GUCY1A2: variants seen among roughly 807,000 people sequenced by gnomAD.
GUCY1A2 encodes guanylate cyclase 1 soluble subunit alpha 2.
Under a neutral mutation model 63.5 loss-of-function variants are expected in GUCY1A2, and 27 were observed. That is an observed-to-expected ratio of 0.43 (90% CI 0.31 to 0.59). The LOEUF is 0.59. GUCY1A2 is among the 20% of genes least tolerant of loss of function. The pLI is 0.11. For missense variants in GUCY1A2, 768 were observed against 913.3 expected, an observed-to-expected ratio of 0.84 and a Z score of 2.05; for synonymous variants, 364 against 343.5, an observed-to-expected ratio of 1.06 and a Z score of -0.66.
intron 5 of GUCY1A2, among the ~76,000 whole-genome samples, chr11:106,779,112 A>C (rs1181554766): frequency 6.6e-6 from 1 of 152,216 alleles, no homozygotes; most frequent in African/African-American, 2.4e-5. Flanking sequence ...CCAACAGTGC[A>C]AAACTTATCA....
At chr11:106,810,562 GA>G (rs1054066854) in intron 4 of GUCY1A2, 84 bp from the exon 5 acceptor site, 8 of 1,176,816 alleles carry the variant, frequency 6.8e-6, no homozygotes, top group Middle Eastern at 2.1e-4. Context: ...TGAATAGAAA[GA>G]AAAAATGTTT....
intron 1 of GUCY1A2, among the ~76,000 whole-genome samples, chr11:106,998,948 T>G (rs1299590937): frequency 6.6e-6 from 1 of 152,110 alleles, no homozygotes; most frequent in Non-Finnish European, 1.5e-5. Context: ...GCAAAGGAGA[T>G]CTCCAGATGG....
chr11:106,992,029 G>C (rs1861475992), intron 1 of GUCY1A2, among the ~76,000 whole-genome samples: 2 of 152,172 alleles, frequency 1.3e-5, no homozygotes, highest in African/African-American at 4.8e-5. Flanking sequence ...GTGTCACACA[G>C]ATAAAAAGGG....
At chr11:106,840,713 T>C (rs1179580297) in intron 4 of GUCY1A2, among the ~76,000 whole-genome samples, 1 of 151,996 alleles carries the variant, frequency 6.6e-6, no homozygotes, top group Admixed American at 6.6e-5. Flanking sequence ...AAAATGGTTC[T>C]ATCTTTATAA....
At chr11:106,958,492 C>G in intron 3 of GUCY1A2, among the ~76,000 whole-genome samples, 1 of 152,112 alleles carries the variant, frequency 6.6e-6, no homozygotes. Flanking sequence ...CCTCTTCTCA[C>G]AGAAGTCCTT....
chr11:106,869,902 T>C (rs569112859), intron 4 of GUCY1A2, among the ~76,000 whole-genome samples: 2 of 152,194 alleles, frequency 1.3e-5, no homozygotes, highest in African/African-American at 2.4e-5. Flanking sequence ...GTGGTACATA[T>C]ACACCATGGA....
At position 106,685,490 on chromosome 11, in the gene GUCY1A2, G is replaced by A. The variant is rs1460157238; in HGVS notation, c.*2059C>T. The A allele has an allele frequency of 1.3e-5, 3 of 223,994 alleles. No homozygotes were observed. Among genetic ancestry groups the A allele is most frequent in the East Asian group, 6.5e-5 (1 of 15,404 alleles). 13.9% of individuals were successfully genotyped at this position (223,994 alleles called of 1,614,324 possible). ...CCTGGAAGTCCCTTTCAGCCTTATG[G>A]TTACAAAACACATTGTTCATCACCA... On this transcript the variant is annotated 3_prime_UTR_variant, in exon 8 of 8. Coordinates refer to ENST00000526355, the MANE Select transcript of GUCY1A2 (RefSeq NM_000855.3).
At chr11:106,882,150 C>A (rs1445917062) in intron 4 of GUCY1A2, among the ~76,000 whole-genome samples, 2 of 151,702 alleles carry the variant, frequency 1.3e-5, no homozygotes, top group African/African-American at 4.8e-5. Flanking sequence ...TAAATATTGA[C>A]TCAGTTTTTT....
chr11:106,824,626 C>T (rs1858942936), intron 4 of GUCY1A2, among the ~76,000 whole-genome samples: 1 of 152,050 alleles, frequency 6.6e-6, no homozygotes, highest in Non-Finnish European at 1.5e-5. Context: ...AATGTAGCCC[C>T]TTTTATTCAA....
chr11:106,802,254 A>G (rs1051190191), intron 5 of GUCY1A2, among the ~76,000 whole-genome samples: 1 of 152,194 alleles, frequency 6.6e-6, no homozygotes. Context: ...TGTATAAACT[A>G]AAGGCAAGTT....
intron 4 of GUCY1A2, among the ~76,000 whole-genome samples, chr11:106,893,877 G>A (rs747358414): frequency 5.9e-5 from 9 of 152,096 alleles, no homozygotes; most frequent in African/African-American, 1.2e-4. Context: ...CAGTCATCCC[G>A]GAGACTGCAC....
intron 4 of GUCY1A2, among the ~76,000 whole-genome samples, chr11:106,848,286 A>C (rs894855232): frequency 6.6e-6 from 1 of 151,748 alleles, no homozygotes; most frequent in African/African-American, 2.4e-5. Context: ...AACAGCAAGC[A>C]TAAGCACACA....
intron 4 of GUCY1A2, among the ~76,000 whole-genome samples, chr11:106,856,251 C>T (rs1052274995): frequency 6.6e-6 from 1 of 151,988 alleles, no homozygotes; most frequent in Non-Finnish European, 1.5e-5. Flanking sequence ...GATCATGCCA[C>T]TGCACTGCAG....
chr11:106,901,153 A>T (rs1348333538), intron 4 of GUCY1A2, among the ~76,000 whole-genome samples: 1 of 152,218 alleles, frequency 6.6e-6, no homozygotes, highest in Non-Finnish European at 1.5e-5. Flanking sequence ...CATTTCAACA[A>T]CGTTCACACA....
intron 4 of GUCY1A2, among the ~76,000 whole-genome samples, chr11:106,912,621 A>C (rs776089464): frequency 3.3e-5 from 5 of 152,124 alleles, no homozygotes; most frequent in Non-Finnish European, 5.9e-5. Flanking sequence ...CTCTATATTC[A>C]ATCATTATGA....
intron 4 of GUCY1A2, among the ~76,000 whole-genome samples, chr11:106,873,455 C>T (rs990756057): frequency 6.6e-6 from 1 of 152,034 alleles, no homozygotes; most frequent in Non-Finnish European, 1.5e-5. Flanking sequence ...TTTTAACAAT[C>T]ACCATTTTGA....
At chr11:106,811,922 C>T (rs1024134507) in intron 4 of GUCY1A2, among the ~76,000 whole-genome samples, 8 of 151,900 alleles carry the variant, frequency 5.3e-5, no homozygotes, top group Non-Finnish European at 7.4e-5. Context: ...AAATCTATAT[C>T]GGCCAGAGAA....
intron 1 of GUCY1A2, among the ~76,000 whole-genome samples, chr11:107,010,708 A>T (rs991719768): frequency 3.9e-5 from 6 of 152,036 alleles, no homozygotes; most frequent in Non-Finnish European, 7.4e-5. Flanking sequence ...AAACAAAAAC[A>T]TGTATTTACT....
In GUCY1A2 at chr11:106,680,902, T is replaced by G. The variant is rs1449794416; in HGVS notation, c.*6647A>C. 3 of 203,668 alleles carry G rather than the reference T, an allele frequency of 1.5e-5. No homozygotes were observed. Among genetic ancestry groups the G allele is most frequent in the Non-Finnish European group, 3.0e-5 (3 of 99,312 alleles). The allele number at this position is 203,668 out of a possible 1,614,324, so 12.6% of individuals were successfully genotyped here. A position where few individuals can be genotyped will look rare whatever the true frequency, so the allele number is the denominator to read the frequency against. ...AGATGCTTAGGAATGAATCCTAAGCTTATATGCTAAATCATAATCTGATGT... is the reference window on the plus strand; with the variant it reads ...AGATGCTTAGGAATGAATCCTAAGCGTATATGCTAAATCATAATCTGATGT... On this transcript the variant is annotated 3_prime_UTR_variant, in exon 8 of 8. Transcript: ENST00000526355.
Sources: allele counts gnomAD v4.1 joint callset (sites outside exome capture counted in the v4.1 genomes callset), GRCh38; gene constraint gnomAD v4.1.1; transcripts MANE v1.5; gene names NCBI Gene and HGNC (gene_info 2026-07-23, HGNC 2026-07-21).